The following KANK4 variants were observed in gnomAD, a reference collection of about 807,000 sequenced individuals.
KANK4 encodes the protein KN motif and ankyrin repeat domains 4.
A neutral mutation model predicts 80.8 loss-of-function variants in KANK4; 50 were observed. The observed-to-expected ratio is 0.62, with a 90% confidence interval of 0.49 to 0.78. The LOEUF is 0.78. KANK4 is among the 30% of genes least tolerant of loss of function. The pLI, the probability that KANK4 is intolerant of heterozygous loss-of-function variation, is 0.00. For missense variants in KANK4, 1,196 were observed against 1,240.1 expected, an observed-to-expected ratio of 0.96 and a Z score of 0.53; for synonymous variants, 465 against 506.9, an observed-to-expected ratio of 0.92 and a Z score of 1.11.
intron 6 of KANK4, 50 bp downstream of exon 6, chr1:62,266,682 C>A (rs368250736): frequency 2.5e-4 from 323 of 1,274,940 alleles, no homozygotes; most frequent in Non-Finnish European, 1.8e-4. Context: ...GCAGAGCTAA[C>A]GTCTTAAACA....
In KANK4 at chr1:62,237,382, G is replaced by T. The variant is rs1671230141; in HGVS notation, c.*895C>A. The T allele has an allele frequency of 1.3e-5, 2 of 152,142 alleles. No homozygotes were observed. The highest frequency in any genetic ancestry group is 4.8e-5 in the African/African-American group (2 of 41,422). The allele number at this position is 152,142 out of a possible 1,614,324, so 9.4% of individuals were successfully genotyped here. A position where few individuals can be genotyped will look rare whatever the true frequency, so the allele number is the denominator to read the frequency against. On this transcript the variant is annotated 3_prime_UTR_variant, in exon 10 of 10. Coordinates refer to ENST00000371153, the MANE Select transcript of KANK4 (RefSeq NM_181712.5). ...GGAAAGCACCGGGAATTACCATGAG[G>T]TAATGGATACGGCTATGCAGGTGGC...
intron 6 of KANK4, among the ~76,000 whole-genome samples, chr1:62,264,215 C>G (rs1172995486): frequency 6.6e-6 from 1 of 152,068 alleles, no homozygotes; most frequent in African/African-American, 2.4e-5. Context: ...GTTGGGAGTT[C>G]AAGACCAGCT....
chr1:62,282,562 G>A (rs1338453687), intron 1 of KANK4, among the ~76,000 whole-genome samples: 3 of 152,202 alleles, frequency 2.0e-5, no homozygotes, highest in Non-Finnish European at 4.4e-5. Flanking sequence ...GAAAGAAAAG[G>A]ATGATGGGTG....
intron 2 of KANK4, among the ~76,000 whole-genome samples, chr1:62,277,611 A>G (rs535352526): frequency 1.4e-4 from 22 of 152,312 alleles, no homozygotes; most frequent in African/African-American, 5.3e-4. Flanking sequence ...CTGCCGTGTA[A>G]TAAGTCCACC....
rs1407922704 is a variant in KANK4, at chr1:62,273,931, T to C, written c.1173A>G (p.Val391=). Residue 391 remains valine, a synonymous_variant, in exon 3 of 10, where the codon GTA becomes GTG. Coordinates refer to ENST00000371153, the MANE Select transcript of KANK4 (RefSeq NM_181712.5). ...GGTGAAACTGTCCTTCCAGTTGGGCTACAGTGAACTCCAGCTCTCGAATTC... is the reference window on the plus strand; with the variant it reads ...GGTGAAACTGTCCTTCCAGTTGGGCCACAGTGAACTCCAGCTCTCGAATTC... ...EQRIRELEFT[V]AQLEGQFHQE... 6.2e-7 allele frequency: 1 copy of C among 1,614,222 alleles called. No individual in the cohort carries two copies. Among genetic ancestry groups the C allele is most frequent in the South Asian group, 1.1e-5 (1 of 91,080 alleles).
chr1:62,255,256 G>T (rs1235478981), intron 7 of KANK4, among the ~76,000 whole-genome samples: 1 of 152,068 alleles, frequency 6.6e-6, no homozygotes, highest in East Asian at 1.9e-4. Context: ...TAGCCCTGGG[G>T]ATATGTATCC....
intron 1 of KANK4, among the ~76,000 whole-genome samples, chr1:62,305,674 A>G (rs1644445825): frequency 6.6e-6 from 1 of 152,014 alleles, no homozygotes; most frequent in Admixed American, 6.6e-5. Context: ...TGTGAAAGTT[A>G]TAACTCATCC....
At chr1:62,272,952 G>A (rs928263390) in intron 3 of KANK4, among the ~76,000 whole-genome samples, 54 of 151,788 alleles carry the variant, frequency 3.6e-4, no homozygotes, top group South Asian at 2.1e-4. Context: ...CACCATGCCC[G>A]GCTAATTTTT....
chr1:62,281,351 T>C (rs889796331), intron 2 of KANK4, among the ~76,000 whole-genome samples, 198 bp downstream of exon 2: 1 of 152,220 alleles, frequency 6.6e-6, no homozygotes, highest in Non-Finnish European at 1.5e-5. Flanking sequence ...AATGGAGGCT[T>C]ACCATATTGT....
intron 6 of KANK4, among the ~76,000 whole-genome samples, chr1:62,263,803 A>G (rs920180592): frequency 6.6e-6 from 1 of 152,160 alleles, no homozygotes; most frequent in Non-Finnish European, 1.5e-5. Flanking sequence ...AACATCTCCA[A>G]TTTATGCTTG....
At chr1:62,289,605 A>C (rs1672638769) in intron 1 of KANK4, among the ~76,000 whole-genome samples, 1 of 152,172 alleles carries the variant, frequency 6.6e-6, no homozygotes, top group South Asian at 2.1e-4. Flanking sequence ...TTCAAAATCA[A>C]ATACAGCAAA....
At chr1:62,245,179 C>T (rs2149116486) in intron 9 of KANK4, among the ~76,000 whole-genome samples, 1 of 152,018 alleles carries the variant, frequency 6.6e-6, no homozygotes, top group Admixed American at 6.6e-5. Flanking sequence ...CCTCCTTCTC[C>T]CCCAGGACAA....
At position 62,273,635 on chromosome 1, in the gene KANK4, G is replaced by A; in HGVS notation, c.1469C>T (p.Ser490Phe). The change falls in exon 3 of 10, where the codon TCT (serine) becomes TTT (phenylalanine). Residue 490 changes from serine to phenylalanine, a missense_variant. Physicochemically the swap from Ser to Phe is radical, Grantham distance 155. Around this residue, in one of 3 missense-constraint regions of KANK4, gnomAD observed 1,154 missense variants for 1,179.6 expected, o/e 0.98. Coordinates refer to ENST00000371153, the MANE Select transcript of KANK4 (RefSeq NM_181712.5). Reference protein sequence around the residue: ...PQGPEQVLTSSVHSFLSTELR... With the variant: ...PQGPEQVLTSFVHSFLSTELR... Reference sequence around the variant, plus strand: ...TTCAGTGGAGAGGAAGCTATGTACAGAGGAGGTAAGGACCTGCTCGGGTCC... The same window carrying A: ...TTCAGTGGAGAGGAAGCTATGTACAAAGGAGGTAAGGACCTGCTCGGGTCC... The A allele has an allele frequency of 1.2e-6, 2 of 1,614,152 alleles. No homozygotes were observed. The highest frequency in any genetic ancestry group is 1.7e-6 in the Non-Finnish European group (2 of 1,180,016).
At chr1:62,288,529 C>T (rs983819324) in intron 1 of KANK4, among the ~76,000 whole-genome samples, 8 of 151,192 alleles carry the variant, frequency 5.3e-5, no homozygotes, top group African/African-American at 1.9e-4. Context: ...TGGTCACAGA[C>T]ACAGTCATTC....
At chr1:62,240,765 G>A (rs1671317300) in intron 9 of KANK4, among the ~76,000 whole-genome samples, 1 of 152,198 alleles carries the variant, frequency 6.6e-6, no homozygotes, top group East Asian at 1.9e-4. Context: ...TGATGTCACA[G>A]CACTCTTTAC....
chr1:62,308,562 A>G (rs1644472605), intron 1 of KANK4, among the ~76,000 whole-genome samples: 1 of 152,128 alleles, frequency 6.6e-6, no homozygotes, highest in Non-Finnish European at 1.5e-5. Context: ...GAGGAATCAC[A>G]AAGAATCTAG....
chr1:62,316,505 A>T (rs1295627232), intron 1 of KANK4, among the ~76,000 whole-genome samples: 6 of 152,220 alleles, frequency 3.9e-5, no homozygotes, highest in African/African-American at 7.2e-5. Context: ...ATCCCTACTC[A>T]TAGCCAGCTG....
Position 62,274,737 on chromosome 1 carries a change from T to C in KANK4, c.367A>G (p.Ser123Gly). The C allele has an allele frequency of 6.2e-7, 1 of 1,614,108 alleles. No individual in the cohort carries two copies. ...GNAPQASTSR[S>G]EVSYHRKALL... ...GCCTTCCTGTGGTAGCTCACCTCAC[T>C]CCTGCTTGTTGAGGCCTGGGGGGCA... Residue 123 changes from serine (S) to glycine (G), a missense_variant, in exon 3 of 10, where the codon AGT (serine) becomes GGT (glycine). Ser to Gly is a moderately conservative substitution (Grantham distance 56). Coordinates refer to ENST00000371153, the MANE Select transcript of KANK4 (RefSeq NM_181712.5).
rs1672111164 is a variant in KANK4 at position 62,269,611 on chromosome 1, G to T, written c.2013-1106C>A. 1.3e-5 allele frequency among the ~76,000 whole-genome samples: 2 copies of T among 152,218 alleles called. 1 individual carries two copies. Among genetic ancestry groups the T allele is most frequent in the South Asian group, 4.1e-4 (2 of 4,828 alleles). On this transcript the variant is annotated intron_variant, in intron 4 of 9. Coordinates refer to ENST00000371153, the MANE Select transcript of KANK4 (RefSeq NM_181712.5). ...GCTTCCATAAAAACTTTGCCTGGAA[G>T]TTCACTTATTCATTCAACAGGAATT...
Sources: allele counts gnomAD v4.1 joint callset (sites outside exome capture counted in the v4.1 genomes callset), GRCh38; gene constraint gnomAD v4.1.1; regional missense constraint gnomAD v4.1.1; transcripts MANE v1.5; gene names NCBI Gene and HGNC (gene_info 2026-07-23, HGNC 2026-07-21).